MEGF6: variants seen among roughly 807,000 people sequenced by gnomAD.
MEGF6 encodes multiple EGF like domains 6, also known as multiple epidermal growth factor-like domains protein 6.
In MEGF6, 184 loss-of-function variants were observed where a neutral mutation model predicts 207.1. The ratio of observed to expected loss-of-function variants is 0.89; its 90% CI spans 0.79 to 1.00. The LOEUF (loss-of-function observed/expected upper bound fraction) is 1.00, where lower values mean the gene tolerates loss of function less well. Ranked by LOEUF, MEGF6 falls within the 50% of genes least tolerant of loss-of-function variation. MEGF6 has a pLI of 0.00. For missense variants in MEGF6, 2,282 were observed against 2,202.9 expected, an observed-to-expected ratio of 1.04 and a Z score of -0.72; for synonymous variants, 1,038 against 910.0, an observed-to-expected ratio of 1.14 and a Z score of -2.53.
intron 1 of MEGF6, 73 bp from the exon 2 acceptor site, chr1:3,602,673 A>G: frequency 1.3e-6 from 2 of 1,532,808 alleles, no homozygotes; most frequent in Non-Finnish European, 1.8e-6. Context: ...CTGCACCCCC[A>G]GCCTTGGGTG....
In MEGF6 at chr1:3,531,804, CGGGCCGCGGGGCGGGGGAGGG is replaced by C. The variant is rs1417875157; in HGVS notation, c.482-7579_482-7559del. Among the ~76,000 whole-genome samples, 12 of 142,066 alleles carry C rather than the reference CGGGCCGCGGGGCGGGGGAGGG, an allele frequency of 8.4e-5. No individual in the cohort carries two copies. In the South Asian group the frequency reaches 9.7e-4, roughly 11 times the overall value. 93.2% of individuals were successfully genotyped at this position (142,066 alleles called of 152,430 possible). On this transcript the variant is annotated intron_variant, in intron 4 of 36. Coordinates refer to ENST00000356575, the MANE Select transcript of MEGF6 (RefSeq NM_001409.4). ...AAGCAGCAAAGGGAGCCGTCCTGGC[CGGGCCGCGGGGCGGGGGAGGG>C]GGGCCGCGGGGCGGGGGAGGGGGGC...
chr1:3,611,296 C>A lies in MEGF6; in HGVS notation c.-28G>T. 1 of 1,427,382 alleles carries A rather than the reference C, an allele frequency of 7.0e-7. No individual in the cohort carries two copies. The highest frequency in any genetic ancestry group is 9.1e-7 in the Non-Finnish European group (1 of 1,096,982). The allele number at this position is 1,427,382 out of a possible 1,614,324, so 88.4% of individuals were successfully genotyped here. On this transcript the variant is annotated 5_prime_UTR_variant, in exon 1 of 37. Transcript: ENST00000356575. ...TGCGCGCCGGTGCCTCCTCCGCTCT[C>A]CGGCTCACAGGCGGCCCCGGCGGCT... is the stretch of plus-strand genomic sequence containing the variant.
chr1:3,524,355 G>C, intron 4 of MEGF6, 109 bp from the exon 5 acceptor site: 1 of 1,429,898 alleles, frequency 7.0e-7, no homozygotes, highest in South Asian at 1.3e-5. Flanking sequence ...CCCGTGCCTC[G>C]AGGGCACCAC....
In MEGF6 at chr1:3,490,086, CCATAAATACCTTTA is replaced by C. The variant is rs1315836291; in HGVS notation, c.*428_*441del. On this transcript the variant is annotated 3_prime_UTR_variant, in exon 37 of 37. Coordinates refer to ENST00000356575, the MANE Select transcript of MEGF6 (RefSeq NM_001409.4). ...GGCTGCAGCGGGCATGTGCAGTGGC[CCATAAATACCTTTA>C]CATAAATACGGGCTGGGCGACTTCC... 1 of 181,266 alleles carries C rather than the reference CCATAAATACCTTTA, an allele frequency of 5.5e-6. No homozygotes were observed. Among genetic ancestry groups the C allele is most frequent in the African/African-American group, 2.4e-5 (1 of 41,728 alleles). 11.2% of individuals were successfully genotyped at this position (181,266 alleles called of 1,614,324 possible).
intron 4 of MEGF6, among the ~76,000 whole-genome samples, chr1:3,532,459 G>T (rs1456579464): frequency 6.6e-6 from 1 of 152,252 alleles, no homozygotes; most frequent in African/African-American, 2.4e-5. Flanking sequence ...CCTGGGACCA[G>T]CCCAGCACCA....
chr1:3,526,046 T>C (rs1285496617), intron 4 of MEGF6, among the ~76,000 whole-genome samples: 1 of 152,142 alleles, frequency 6.6e-6, no homozygotes. Flanking sequence ...ACACAGGGGC[T>C]CTCAGAGGAG....
intron 3 of MEGF6, among the ~76,000 whole-genome samples, chr1:3,580,903 C>T (rs1455808883): frequency 6.6e-6 from 1 of 152,108 alleles, no homozygotes; most frequent in East Asian, 1.9e-4. Context: ...ACTCACAGCA[C>T]CCCTGCCAGT....
In MEGF6 at chr1:3,582,236, A is replaced by G. The variant is rs533034538; in HGVS notation, c.377-2307T>C. Among the ~76,000 whole-genome samples, 635 of 152,330 alleles carry G rather than the reference A, an allele frequency of 4.2e-3. 5 individuals carry two copies. Among genetic ancestry groups the G allele is most frequent in the African/African-American group, 0.014 (600 of 41,572 alleles). ...GAGACCAATGATTAACGTCTGTCCCAGGCTGGGAGGGTACAGCCACAAGAT... is the reference window on the plus strand; with the variant it reads ...GAGACCAATGATTAACGTCTGTCCCGGGCTGGGAGGGTACAGCCACAAGAT... On this transcript the variant is annotated intron_variant, in intron 3 of 36. Transcript: ENST00000356575.
chr1:3,514,247 C>CA lies in MEGF6; in HGVS notation c.853+302dup, dbSNP rs34128030. Among the ~76,000 whole-genome samples the CA allele has an allele frequency of 4.5e-3, 530 of 118,636 alleles. 3 individuals carry two copies. The highest frequency in any genetic ancestry group is 0.013 in the African/African-American group (399 of 30,438). The allele number at this position is 118,636 out of a possible 152,430, so 77.8% of individuals were successfully genotyped here. On this transcript the variant is annotated intron_variant, in intron 7 of 36. Transcript: ENST00000356575. ...TGGGCAATAGAGCGAGACTCCGTCT[C>CA]AAAAAAAAAAAAAAAGGAAATACAA... is the stretch of plus-strand genomic sequence containing the variant.
At chr1:3,585,905 C>T (rs1245594799) in intron 3 of MEGF6, among the ~76,000 whole-genome samples, 1 of 135,140 alleles carries the variant, frequency 7.4e-6, no homozygotes, top group African/African-American at 2.9e-5. Context: ...TGGACACGTC[C>T]TGTGTGTGGG....
chr1:3,492,976 G>T, intron 34 of MEGF6: 1 of 622,458 alleles, frequency 1.6e-6, no homozygotes, highest in Non-Finnish European at 2.7e-6. Flanking sequence ...TCTGCAGCCA[G>T]TGAGCTCCTG....
chr1:3,511,651 T>C lies in MEGF6; in HGVS notation c.1013A>G (p.Asn338Ser), dbSNP rs372743870. The C allele has an allele frequency of 2.5e-6, 4 of 1,612,162 alleles. No individual in the cohort carries two copies. The highest frequency in any genetic ancestry group is 3.4e-6 in the Non-Finnish European group (4 of 1,179,364). ...GCAGCCATGGGAGCAGCCGCCGTTGTTGGCCTCACAGCTGTTCACGATTTC... is the reference window on the plus strand; with the variant it reads ...GCAGCCATGGGAGCAGCCGCCGTTGCTGGCCTCACAGCTGTTCACGATTTC... Reference protein sequence around the residue: ...EMEIVNSCEANNGGCSHGCSH... With the variant: ...EMEIVNSCEASNGGCSHGCSH... Residue 338 changes from asparagine (N) to serine (S), a missense_variant, in exon 9 of 37, where the codon AAC becomes AGC. By Grantham distance (46) the Asn-to-Ser change is conservative (BLOSUM62 1). Transcript: ENST00000356575.
chr1:3,540,886 T>C (rs1642494218), intron 4 of MEGF6, among the ~76,000 whole-genome samples: 1 of 152,144 alleles, frequency 6.6e-6, no homozygotes. Context: ...ACACCGACAT[T>C]CAGGTCGCGG....
chr1:3,496,088 G>A, intron 29 of MEGF6, 70 bp from the exon 30 acceptor site: 3 of 1,442,074 alleles, frequency 2.1e-6, no homozygotes, highest in African/African-American at 1.4e-5. Context: ...CCGGAGTGGG[G>A]ATAGGACAGG....
Position 3,515,520 on chromosome 1 carries a change from G to GT in MEGF6, c.611dup (p.Asn204LysfsTer42). On this transcript the variant is annotated frameshift_variant, in exon 6 of 37. Coordinates refer to ENST00000356575, the MANE Select transcript of MEGF6 (RefSeq NM_001409.4). LOFTEE classifies it high-confidence loss of function. ...AGCCGCCATTGCCCAGGGCGCAGGA[G>GT]TTAATGGCTGGGGACACAGGGAGGA... 1 of 1,612,136 alleles carries GT rather than the reference G, an allele frequency of 6.2e-7. No homozygotes were observed. Among genetic ancestry groups the GT allele is most frequent in the Non-Finnish European group, 8.5e-7 (1 of 1,179,432 alleles).
At chr1:3,501,944 C>G in intron 17 of MEGF6, 23 bp from the exon 18 acceptor site, 1 of 1,561,466 alleles carries the variant, frequency 6.4e-7, no homozygotes, top group Non-Finnish European at 8.7e-7. Context: ...GCACGAGGGG[C>G]CTTAGCCGCA....
chr1:3,521,699 T>G (rs775111058), intron 5 of MEGF6, among the ~76,000 whole-genome samples: 9 of 151,392 alleles, frequency 5.9e-5, no homozygotes, highest in Non-Finnish European at 1.2e-4. Context: ...GACAAACCCA[T>G]GCCTATCCTG....
the MEGF6 span, among the ~76,000 whole-genome samples, chr1:3,621,380 T>A: frequency 6.6e-6 from 1 of 152,238 alleles, no homozygotes. Context: ...CTCGCACTTG[T>A]CTTCTGGTCA....
At chr1:3,492,430 A>G (rs972555871) in intron 35 of MEGF6, among the ~76,000 whole-genome samples, 1 of 152,156 alleles carries the variant, frequency 6.6e-6, no homozygotes, top group Non-Finnish European at 1.5e-5. Flanking sequence ...CCCCTGGTTA[A>G]GTGACTGTGA....
Sources: allele counts gnomAD v4.1 joint callset (sites outside exome capture counted in the v4.1 genomes callset), GRCh38; gene constraint gnomAD v4.1.1; transcripts MANE v1.5; gene names NCBI Gene and HGNC (gene_info 2026-07-23, HGNC 2026-07-21).